The following AMD1 variants were observed in gnomAD, a reference collection of about 807,000 sequenced individuals.
AMD1 encodes the protein adenosylmethionine decarboxylase 1, also known as S-adenosylmethionine decarboxylase proenzyme.
In AMD1, 11 loss-of-function variants were observed where a neutral mutation model predicts 40.2. The observed-to-expected ratio is 0.27, with a 90% confidence interval of 0.17 to 0.45. The LOEUF (loss-of-function observed/expected upper bound fraction) is 0.45. Among genes scored for constraint, AMD1 ranks in the 20% least tolerant of loss-of-function variants. The probability of loss-of-function intolerance (pLI) is 1.00; values close to 1 mark genes in which losing one functional copy is unlikely to be tolerated. For synonymous variants in AMD1, 121 were observed against 130.8 expected, an observed-to-expected ratio of 0.93 and a Z score of 0.51; for missense variants, 257 against 410.2, an observed-to-expected ratio of 0.63 and a Z score of 3.23.
the AMD1 span, among the ~76,000 whole-genome samples, chr6:110,819,396 C>A: frequency 6.6e-6 from 1 of 151,918 alleles, no homozygotes; most frequent in South Asian, 2.1e-4. Context: ...ATCTGAACCA[C>A]GGAAGAGCAG....
intron 1 of AMD1, among the ~76,000 whole-genome samples, chr6:110,882,195 G>A (rs909541721): frequency 1.3e-5 from 2 of 152,274 alleles, no homozygotes; most frequent in East Asian, 1.9e-4. Context: ...GCAGTGGCAC[G>A]ATCTTGGCTC....
intron 1 of AMD1, among the ~76,000 whole-genome samples, chr6:110,883,147 A>G (rs1785497539): frequency 6.6e-6 from 1 of 152,198 alleles, no homozygotes; most frequent in Non-Finnish European, 1.5e-5. Context: ...TTTCTCTGCC[A>G]TTACAGAAGA....
the AMD1 span, among the ~76,000 whole-genome samples, chr6:110,862,578 T>C: frequency 6.6e-6 from 1 of 151,936 alleles, no homozygotes; most frequent in Non-Finnish European, 1.5e-5. Flanking sequence ...GCAATTCTTA[T>C]GCCTCAGCCT....
At chr6:110,824,875 C>T in the AMD1 span, among the ~76,000 whole-genome samples, 5 of 152,066 alleles carry the variant, frequency 3.3e-5, no homozygotes, top group South Asian at 1.0e-3. Flanking sequence ...CTCATAGCTG[C>T]CCTATGAGGA....
chr6:110,815,206 C>G, the AMD1 span: 2 of 1,445,556 alleles, frequency 1.4e-6, no homozygotes, highest in African/African-American at 1.5e-5. Context: ...CTCCTCCCCC[C>G]GCGACCGCCG....
chr6:110,816,491 T>G, the AMD1 span, among the ~76,000 whole-genome samples: 3,395 of 152,250 alleles, frequency 0.022, 369 homozygotes, highest in East Asian at 0.36. Flanking sequence ...CAAAATAAAT[T>G]AAGATCCAGC....
the AMD1 span, chr6:110,858,262 G>A: frequency 1.0e-6 from 1 of 954,368 alleles, no homozygotes; most frequent in East Asian, 2.6e-5. Context: ...AGTTCAACAA[G>A]GACCCCTCGT....
the AMD1 span, among the ~76,000 whole-genome samples, chr6:110,835,922 G>T: frequency 6.8e-6 from 1 of 147,874 alleles, no homozygotes; most frequent in Non-Finnish European, 1.5e-5. Flanking sequence ...TGAGGCAGGA[G>T]GATCACTTGA....
At chr6:110,849,757 C>A in the AMD1 span, among the ~76,000 whole-genome samples, 1 of 151,828 alleles carries the variant, frequency 6.6e-6, no homozygotes, top group Non-Finnish European at 1.5e-5. Flanking sequence ...TAGTGGCTAA[C>A]GCCTGTAATC....
At chr6:110,864,304 T>C in the AMD1 span, 3 of 152,366 alleles carry the variant, frequency 2.0e-5, no homozygotes, top group Non-Finnish European at 4.4e-5. Context: ...TAAGAGTAAA[T>C]AAAGCTTTTG....
chr6:110,879,223 G>A (rs964417586), intron 1 of AMD1, among the ~76,000 whole-genome samples: 6 of 152,152 alleles, frequency 3.9e-5, no homozygotes, highest in Non-Finnish European at 7.3e-5. Flanking sequence ...ATCCTGGTGC[G>A]TGTCTGCATC....
chr6:110,837,880 A>G, the AMD1 span, among the ~76,000 whole-genome samples: 1 of 145,328 alleles, frequency 6.9e-6, no homozygotes, highest in African/African-American at 2.5e-5. Flanking sequence ...CTGACCAACA[A>G]GGTGAAGCCC....
At chr6:110,875,973 A>C (rs1262222775) in intron 1 of AMD1, among the ~76,000 whole-genome samples, 1 of 151,792 alleles carries the variant, frequency 6.6e-6, no homozygotes, top group African/African-American at 2.4e-5. Flanking sequence ...CAATCTCTTG[A>C]CCTTGGGTTG....
the AMD1 span, among the ~76,000 whole-genome samples, chr6:110,826,307 C>G: frequency 9.9e-5 from 14 of 142,030 alleles, no homozygotes; most frequent in South Asian, 3.4e-3. Flanking sequence ...AATCAAACTT[C>G]TCTCTGTAGG....
the AMD1 span, among the ~76,000 whole-genome samples, chr6:110,866,733 G>C: frequency 6.6e-6 from 1 of 152,048 alleles, no homozygotes; most frequent in Non-Finnish European, 1.5e-5. Context: ...GAAGGGAGGG[G>C]TGTAAGTCAG....
chr6:110,892,136 ATT>A (rs752105490), intron 4 of AMD1, 23 bp from the exon 5 acceptor site: 4 of 1,612,004 alleles, frequency 2.5e-6, no homozygotes, highest in Admixed American at 1.7e-5. Context: ...TGTTATATTT[ATT>A]TTGCGTTCTC....
At chr6:110,859,149 G>T in the AMD1 span, 6 of 1,270,536 alleles carry the variant, frequency 4.7e-6, no homozygotes, top group South Asian at 7.0e-5. Context: ...GGCTACTGAG[G>T]CTCCCAGCAC....
chr6:110,879,930 C>T (rs1785312740), intron 1 of AMD1, among the ~76,000 whole-genome samples: 1 of 151,830 alleles, frequency 6.6e-6, no homozygotes, highest in African/African-American at 2.4e-5. Flanking sequence ...GAGCATAACC[C>T]TGCACTAATG....
chr6:110,815,143 C>T, the AMD1 span: 1 of 1,590,110 alleles, frequency 6.3e-7, no homozygotes, highest in South Asian at 1.1e-5. Context: ...CCATTGTCTG[C>T]TTCCCCCATA....
Sources: gnomAD v4.1 joint callset for allele counts (sites outside exome capture counted in the v4.1 genomes callset) on GRCh38, gnomAD v4.1.1 for gene constraint, MANE v1.5 for transcripts, NCBI Gene and HGNC (gene_info 2026-07-23, HGNC 2026-07-21) for gene names.